TMEM74: variants seen among roughly 807,000 people sequenced by gnomAD.
TMEM74 encodes the protein transmembrane protein 74.
In TMEM74, 13 loss-of-function variants were observed where a neutral mutation model predicts 18.1. The ratio of observed to expected loss-of-function variants is 0.72; its 90% CI spans 0.47 to 1.14. The LOEUF is 1.14. TMEM74 is among the 50% of genes most tolerant of loss of function. TMEM74 has a pLI of 0.00. For synonymous variants in TMEM74, 159 were observed against 146.6 expected, an observed-to-expected ratio of 1.08 and a Z score of -0.61; for missense variants, 372 against 375.9, an observed-to-expected ratio of 0.99 and a Z score of 0.09.
intron 1 of TMEM74, among the ~76,000 whole-genome samples, chr8:108,735,981 G>A (rs767997470): frequency 2.4e-4 from 37 of 151,516 alleles, no homozygotes; most frequent in Admixed American, 6.6e-5. Flanking sequence ...CAAATCACTC[G>A]CCTTCTTTTT....
At position 108,699,187 on chromosome 8, in the gene TMEM74, C is replaced by CCTT. The variant is rs1563529302; in HGVS notation, n.120-43751_120-43750insAAG. ...TTCCTTCCTTCCTTCCTTCCTTCCT[C>CCTT]CCTCCCTCCCTCCCTCCCTCCCTCT... On this transcript the variant is annotated intron_variant and non_coding_transcript_variant, in intron 1 of 3. Transcript: ENST00000518838. Among the ~76,000 whole-genome samples, 257 of 68,802 alleles carry CCTT rather than the reference C, an allele frequency of 3.7e-3. 2 individuals carry two copies. Among genetic ancestry groups the CCTT allele is most frequent in the African/African-American group, 0.013 (194 of 14,858 alleles). The allele number at this position is 68,802 out of a possible 152,430, so 45.1% of individuals were successfully genotyped here. A position where few individuals can be genotyped will look rare whatever the true frequency, so the allele number is the denominator to read the frequency against.
chr8:108,693,248 A>C (rs1315369319), intron 1 of TMEM74, among the ~76,000 whole-genome samples: 2 of 151,954 alleles, frequency 1.3e-5, no homozygotes, highest in African/African-American at 4.8e-5. Context: ...GGACATTCAC[A>C]TCAGATCTTT....
chr8:108,653,747 T>C (rs1812796187), intron 2 of TMEM74, among the ~76,000 whole-genome samples: 1 of 152,158 alleles, frequency 6.6e-6, no homozygotes, highest in South Asian at 2.1e-4. Context: ...TCTGTTGTGC[T>C]TTTTTAAAGA....
intron 1 of TMEM74, among the ~76,000 whole-genome samples, chr8:108,705,023 T>A (rs984277250): frequency 6.6e-6 from 1 of 152,242 alleles, no homozygotes; most frequent in African/African-American, 2.4e-5. Flanking sequence ...AAATTTTACA[T>A]GTCAAATCAC....
At chr8:108,786,357 C>T (rs1814385113) in intron 1 of TMEM74, among the ~76,000 whole-genome samples, 1 of 152,148 alleles carries the variant, frequency 6.6e-6, no homozygotes, top group Non-Finnish European at 1.5e-5. Flanking sequence ...ACCAAAGGCT[C>T]CTTTTATTTT....
Position 108,783,531 on chromosome 8 carries a change from C to G in TMEM74, c.*650G>C, listed in dbSNP as rs1364276246. 6.6e-6 allele frequency: 1 copy of G among 152,102 alleles called. No homozygotes were observed. The highest frequency in any genetic ancestry group is 1.5e-5 in the Non-Finnish European group (1 of 68,022). The allele number at this position is 152,102 out of a possible 1,614,324, so 9.4% of individuals were successfully genotyped here. ...GTGGTTTAAATTCACATTGGTCTTACAATGATTTACATAATTTTTTTTTAT... is the reference window on the plus strand; with the variant it reads ...GTGGTTTAAATTCACATTGGTCTTAGAATGATTTACATAATTTTTTTTTAT... On this transcript the variant is annotated 3_prime_UTR_variant, in exon 2 of 2. Transcript: ENST00000297459.
intron 1 of TMEM74, among the ~76,000 whole-genome samples, chr8:108,657,630 G>C (rs749603817): frequency 6.6e-6 from 1 of 151,498 alleles, no homozygotes; most frequent in South Asian, 2.1e-4. Flanking sequence ...GGCAAAGGAG[G>C]TCAGGAGTTG....
At chr8:108,665,632 T>A (rs1440094883) in intron 1 of TMEM74, among the ~76,000 whole-genome samples, 1 of 152,180 alleles carries the variant, frequency 6.6e-6, no homozygotes, top group South Asian at 2.1e-4. Context: ...AAAGTTAGTA[T>A]GCCTAAAGTT....
chr8:108,751,551 T>A (rs946748256), intron 1 of TMEM74, among the ~76,000 whole-genome samples: 4 of 152,138 alleles, frequency 2.6e-5, no homozygotes, highest in Non-Finnish European at 5.9e-5. Context: ...TACAAATTTA[T>A]ATGTAAAAAT....
chr8:108,657,877 T>TTAATTAC lies in TMEM74; in HGVS notation n.120-2441_120-2440insGTAATTA, dbSNP rs1212759294. Among the ~76,000 whole-genome samples the TTAATTAC allele has an allele frequency of 1.2e-3, 87 of 70,896 alleles. 9 individuals carry two copies. The highest frequency in any genetic ancestry group is 5.0e-3 in the African/African-American group (82 of 16,348). The allele number at this position is 70,896 out of a possible 152,430, so 46.5% of individuals were successfully genotyped here. On this transcript the variant is annotated intron_variant and non_coding_transcript_variant, in intron 1 of 3. Transcript: ENST00000518838. ...AAAAAAAAATATATATATATATATA[T>TTAATTAC]ATATATATATATATATATATATATA...
At chr8:108,663,997 T>C (rs1812925756) in intron 1 of TMEM74, among the ~76,000 whole-genome samples, 1 of 152,116 alleles carries the variant, frequency 6.6e-6, no homozygotes, top group Admixed American at 6.6e-5. Context: ...GAAGAATAGC[T>C]AGTGGATGCT....
At chr8:108,652,940 G>C in intron 2 of TMEM74, 1 of 314,302 alleles carries the variant, frequency 3.2e-6, no homozygotes, top group Non-Finnish European at 6.3e-6. Context: ...ATTTTCTAGC[G>C]ACTTGCTAGA....
chr8:108,631,892 T>C (rs918219711), intron 2 of TMEM74, among the ~76,000 whole-genome samples: 1 of 152,040 alleles, frequency 6.6e-6, no homozygotes, highest in African/African-American at 2.4e-5. Flanking sequence ...ATTAAATTAA[T>C]TAATAACATA....
chr8:108,673,362 T>C (rs1813022107), intron 1 of TMEM74, among the ~76,000 whole-genome samples: 1 of 152,182 alleles, frequency 6.6e-6, no homozygotes, highest in Non-Finnish European at 1.5e-5. Flanking sequence ...TATTGTCACA[T>C]GATCTCAGAC....
At chr8:108,608,680 A>G (rs1812304080) in intron 3 of TMEM74, 1 of 152,176 alleles carries the variant, frequency 6.6e-6, no homozygotes, top group Non-Finnish European at 1.5e-5. Context: ...TGTTTGGCTC[A>G]TTGCGTTTTG....
At chr8:108,626,239 T>G (rs1013934915) in intron 2 of TMEM74, among the ~76,000 whole-genome samples, 1 of 152,096 alleles carries the variant, frequency 6.6e-6, no homozygotes, top group Non-Finnish European at 1.5e-5. Context: ...TCTGTTTGTC[T>G]CTATATTGGA....
chr8:108,674,304 T>G (rs751320900), intron 1 of TMEM74, among the ~76,000 whole-genome samples: 1 of 152,184 alleles, frequency 6.6e-6, no homozygotes, highest in Non-Finnish European at 1.5e-5. Context: ...TGTATGTGTA[T>G]ATGTGTGCAT....
intron 1 of TMEM74, among the ~76,000 whole-genome samples, chr8:108,680,700 C>T (rs1408575512): frequency 6.6e-6 from 1 of 152,090 alleles, no homozygotes; most frequent in Non-Finnish European, 1.5e-5. Context: ...AAAGGGTATT[C>T]AATTAGGAAA....
chr8:108,681,402 A>T (rs1478424964), intron 1 of TMEM74, among the ~76,000 whole-genome samples: 5 of 152,220 alleles, frequency 3.3e-5, no homozygotes, highest in African/African-American at 1.2e-4. Context: ...ACCTGACAAA[A>T]ACAAGCAATG....
Sources: allele counts gnomAD v4.1 joint callset (sites outside exome capture counted in the v4.1 genomes callset), GRCh38; gene constraint gnomAD v4.1.1; transcripts MANE v1.5; gene names NCBI Gene and HGNC (gene_info 2026-07-23, HGNC 2026-07-21).